Variants in CLVS1 observed in about 807,000 individuals in gnomAD.
CLVS1 encodes the protein clavesin 1, also known as clavesin-1.
CLVS1 carries 10 observed loss-of-function variants against 33.1 expected under a neutral mutation model. The observed-to-expected ratio is 0.30, with a 90% CI of 0.19 to 0.51. The LOEUF is 0.51. Ranked by LOEUF, CLVS1 falls within the 20% of genes least tolerant of loss-of-function variation. The pLI, the probability that CLVS1 is intolerant of heterozygous loss-of-function variation, is 0.97. For missense variants in CLVS1, 343 were observed against 433.4 expected (o/e 0.79, Z 1.85); for synonymous variants, 163 against 166.1 (o/e 0.98, Z 0.14).
intron 3 of CLVS1, chr8:61,390,976 A>ATTTTTTTTTTTTTTT (rs3063289): frequency 6.8e-6 from 1 of 147,772 alleles, no homozygotes; most frequent in South Asian, 2.1e-4. Flanking sequence ...CTAGACTTAG[A>ATTTTTTTTTTTTTTT]TTTTTTTTTT....
At chr8:61,031,546 T>C in the CLVS1 span, among the ~76,000 whole-genome samples, 4 of 152,256 alleles carry the variant, frequency 2.6e-5, no homozygotes, top group Non-Finnish European at 4.4e-5. Flanking sequence ...TTTTCCTCTG[T>C]GCCTTTTAAG....
chr8:61,438,598 C>T (rs766380037), intron 3 of CLVS1, among the ~76,000 whole-genome samples: 12 of 152,088 alleles, frequency 7.9e-5, no homozygotes, highest in Admixed American at 6.6e-4. Flanking sequence ...TTTGAGAAAT[C>T]GCCACACTGT....
intron 2 of CLVS1, among the ~76,000 whole-genome samples, chr8:61,282,328 AGAG>A (rs1367485517): frequency 6.6e-6 from 1 of 152,176 alleles, no homozygotes; most frequent in East Asian, 1.9e-4. Context: ...AGAGGGAAGA[AGAG>A]AAGAAGAAGC....
At chr8:61,246,463 C>T (rs1808812828) in intron 2 of CLVS1, among the ~76,000 whole-genome samples, 1 of 151,788 alleles carries the variant, frequency 6.6e-6, no homozygotes. Context: ...AGCCACTGCA[C>T]CAGGCCTTCC....
At chr8:60,999,914 A>G in the CLVS1 span, among the ~76,000 whole-genome samples, 1 of 152,330 alleles carries the variant, frequency 6.6e-6, no homozygotes, top group Non-Finnish European at 1.5e-5. Context: ...GGTAAGAGAA[A>G]GTCTAACAAC....
intron 2 of CLVS1, among the ~76,000 whole-genome samples, chr8:61,155,930 G>A (rs576236145): frequency 6.6e-6 from 1 of 152,278 alleles, no homozygotes; most frequent in East Asian, 1.9e-4. Context: ...CCTGTTGTGG[G>A]CCTGGCCCAT....
the CLVS1 span, among the ~76,000 whole-genome samples, chr8:61,003,452 T>G: frequency 6.6e-6 from 1 of 152,120 alleles, no homozygotes; most frequent in Admixed American, 6.5e-5. Context: ...TTTGGTAGTA[T>G]GCAGGAAGAT....
rs75479094 is a variant in CLVS1, at chr8:61,083,151, C to G, written c.-243+25921C>G. Among the ~76,000 whole-genome samples the G allele has an allele frequency of 8.3e-4, 127 of 152,184 alleles. 2 individuals carry two copies. The East Asian group carries it at 0.02, about 24-fold the overall frequency. On this transcript the variant is annotated intron_variant, in intron 1 of 2. Coordinates refer to the CLVS1 transcript ENST00000522621. ...AGAATCTATGTAAAGAAAGGAAGAT[C>G]ATTTGAGAAGGAAAAAATGAAGGGA...
At chr8:61,060,034 T>C (rs144745458) in intron 1 of CLVS1, among the ~76,000 whole-genome samples, 29 of 152,278 alleles carry the variant, frequency 1.9e-4, no homozygotes, top group African/African-American at 6.5e-4. Flanking sequence ...GACAGTGCCC[T>C]GGCGATTCCG....
intron 2 of CLVS1, among the ~76,000 whole-genome samples, chr8:61,304,289 C>T (rs1002989373): frequency 3.9e-5 from 6 of 152,250 alleles, no homozygotes; most frequent in African/African-American, 1.4e-4. Context: ...GAAACACTAT[C>T]CCGTGAGGGC....
chr8:61,112,207 C>CAT, intron 1 of CLVS1, among the ~76,000 whole-genome samples: 1 of 141,420 alleles, frequency 7.1e-6, no homozygotes, highest in South Asian at 2.4e-4. Flanking sequence ...CACACACACA[C>CAT]ACACACACAC....
intron 1 of CLVS1, among the ~76,000 whole-genome samples, chr8:61,090,595 C>CCTGAAATG (rs891794263): frequency 2.0e-5 from 3 of 152,106 alleles, no homozygotes; most frequent in Non-Finnish European, 4.4e-5. Flanking sequence ...ATTCCCAGGC[C>CCTGAAATG]CTGAAATGCA....
intron 2 of CLVS1, among the ~76,000 whole-genome samples, chr8:61,151,578 G>A (rs1228201861): frequency 6.6e-6 from 1 of 152,126 alleles, no homozygotes; most frequent in African/African-American, 2.4e-5. Context: ...TTTTGTGAAT[G>A]ACAGGATATC....
chr8:61,050,676 T>C, the CLVS1 span, among the ~76,000 whole-genome samples: 2 of 152,208 alleles, frequency 1.3e-5, no homozygotes, highest in African/African-American at 4.8e-5. Flanking sequence ...CCCTTTTATC[T>C]GCCTACAGAT....
upstream of CLVS1, among the ~76,000 whole-genome samples, chr8:61,056,104 A>G (rs1036903498): frequency 1.2e-4 from 19 of 152,186 alleles, no homozygotes; most frequent in African/African-American, 4.6e-4. Flanking sequence ...GACCATGGTC[A>G]CACCTCCCTG....
rs568909392 is a variant in CLVS1 at position 61,387,385 on chromosome 8, T to TCAAAAA, written c.630+10625_630+10630dup. ...CTGGGTGGCTGAGCAAGACTCCATC[T>TCAAAAA]CAAAAACAAAAACAAAAACAAAAAA... On this transcript the variant is annotated intron_variant, in intron 3 of 5. Coordinates refer to ENST00000325897, the MANE Select transcript of CLVS1 (RefSeq NM_173519.3). Among the ~76,000 whole-genome samples the TCAAAAA allele has an allele frequency of 5.0e-3, 739 of 149,286 alleles. 6 individuals carry two copies. The highest frequency in any genetic ancestry group is 0.017 in the African/African-American group (696 of 40,900).
intron 1 of CLVS1, among the ~76,000 whole-genome samples, chr8:61,121,580 A>T (rs146545082): frequency 0.013 from 1,976 of 152,340 alleles, 18 homozygotes; most frequent in Middle Eastern, 0.02. Context: ...AAATAAAATT[A>T]TCATACAGAA....
At chr8:61,034,317 G>A in the CLVS1 span, among the ~76,000 whole-genome samples, 2 of 152,012 alleles carry the variant, frequency 1.3e-5, no homozygotes, top group African/African-American at 4.8e-5. Context: ...TGTATACAGT[G>A]TAGAATGATT....
intron 2 of CLVS1, among the ~76,000 whole-genome samples, chr8:61,231,675 C>A (rs1808436010): frequency 6.6e-6 from 1 of 152,196 alleles, no homozygotes; most frequent in Non-Finnish European, 1.5e-5. Flanking sequence ...AACAGGATCA[C>A]CTGGAAACTT....
Sources: allele counts gnomAD v4.1 joint callset (sites outside exome capture counted in the v4.1 genomes callset), GRCh38; gene constraint gnomAD v4.1.1; transcripts MANE v1.5; gene names NCBI Gene and HGNC (gene_info 2026-07-23, HGNC 2026-07-21).